The following CTNNA2 variants were observed in gnomAD, a reference collection of about 807,000 sequenced individuals.
CTNNA2 encodes the protein catenin alpha 2, also known as catenin alpha-2.
In CTNNA2, 42 loss-of-function variants were observed where a neutral mutation model predicts 101.0. The ratio of observed to expected loss-of-function variants is 0.42; its 90% confidence interval spans 0.32 to 0.54. The LOEUF (loss-of-function observed/expected upper bound fraction) is 0.54, where lower values mean the gene tolerates loss of function less well. Ranked by LOEUF, CTNNA2 falls within the 20% of genes least tolerant of loss-of-function variation. CTNNA2 has a pLI of 0.14. For missense variants in CTNNA2, 871 were observed against 1,223.1 expected (o/e 0.71, Z 4.29); for synonymous variants, 450 against 456.4 (o/e 0.99, Z 0.18).
intron 2 of CTNNA2, among the ~76,000 whole-genome samples, chr2:79,240,970 C>A (rs886906947): frequency 1.3e-5 from 2 of 152,176 alleles, no homozygotes; most frequent in Non-Finnish European, 1.5e-5. Flanking sequence ...TGAGGCCCTG[C>A]TGATTTTCCT....
At chr2:79,337,291 C>T (rs762914667) in intron 3 of CTNNA2, among the ~76,000 whole-genome samples, 20 of 152,234 alleles carry the variant, frequency 1.3e-4, no homozygotes, top group Non-Finnish European at 2.4e-4. Flanking sequence ...CAAAACACAC[C>T]GTGGGGGTTT....
At chr2:80,043,102 TCTC>T (rs1696246177) in intron 7 of CTNNA2, among the ~76,000 whole-genome samples, 1 of 33,284 alleles carries the variant, frequency 3.0e-5, no homozygotes, top group Non-Finnish European at 6.3e-5. Flanking sequence ...TTTCTCTCTC[TCTC>T]TCTCTCTTTC....
At chr2:80,052,072 A>C (rs78907688) in intron 7 of CTNNA2, among the ~76,000 whole-genome samples, 24 of 152,328 alleles carry the variant, frequency 1.6e-4, no homozygotes, top group African/African-American at 4.8e-4. Flanking sequence ...AGAGAAAGGT[A>C]TTCAATTAGA....
chr2:79,804,916 G>C (rs1676452516), intron 3 of CTNNA2, among the ~76,000 whole-genome samples: 1 of 152,154 alleles, frequency 6.6e-6, no homozygotes, highest in African/African-American at 2.4e-5. Flanking sequence ...ATCTTTTAAG[G>C]GGAAATTGCC....
chr2:79,391,713 G>C (rs1231122775), intron 4 of CTNNA2, among the ~76,000 whole-genome samples: 1 of 152,190 alleles, frequency 6.6e-6, no homozygotes, highest in African/African-American at 2.4e-5. Context: ...ATTGTACAGT[G>C]ATGGAGTTCA....
chr2:79,857,613 G>T (rs1037209051), intron 3 of CTNNA2, among the ~76,000 whole-genome samples: 1 of 152,162 alleles, frequency 6.6e-6, no homozygotes, highest in East Asian at 1.9e-4. Flanking sequence ...ATTCCATGTG[G>T]AACAATTTGT....
intron 3 of CTNNA2, among the ~76,000 whole-genome samples, chr2:79,829,298 C>CATA (rs1427856106): frequency 6.7e-6 from 1 of 149,660 alleles, no homozygotes; most frequent in Non-Finnish European, 1.5e-5. Flanking sequence ...GTGGGCGGAT[C>CATA]ATAAGGTCAG....
In CTNNA2 at chr2:80,204,196, T is replaced by G. The variant is rs188306799; in HGVS notation, c.1057-189015T>G. Among the ~76,000 whole-genome samples, 3 of 152,352 alleles carry G rather than the reference T, an allele frequency of 2.0e-5. 1 individual carries two copies. Among genetic ancestry groups the G allele is most frequent in the Non-Finnish European group, 4.4e-5 (3 of 68,038 alleles). On this transcript the variant is annotated intron_variant, in intron 7 of 18. Coordinates refer to ENST00000402739, the MANE Select transcript of CTNNA2 (RefSeq NM_001282597.3). Reference sequence around the variant, plus strand: ...ACATGCCCTGGAGATATTTTCCCCATTCTCTTAGTGATTAACATTTGGCTC... The same window carrying G: ...ACATGCCCTGGAGATATTTTCCCCAGTCTCTTAGTGATTAACATTTGGCTC...
chr2:79,792,847 T>C (rs986135399), intron 3 of CTNNA2, among the ~76,000 whole-genome samples: 1 of 152,186 alleles, frequency 6.6e-6, no homozygotes, highest in Admixed American at 6.5e-5. Flanking sequence ...TGATCAATGA[T>C]AAAAACGTAT....
chr2:79,651,478 C>A, intron 1 of CTNNA2, 74 bp from the exon 2 acceptor site: 1 of 1,361,116 alleles, frequency 7.3e-7, no homozygotes, highest in Non-Finnish European at 1.0e-6. Context: ...CAGTGATTTA[C>A]CCATTTTGAA....
intron 2 of CTNNA2, among the ~76,000 whole-genome samples, chr2:79,273,067 CT>C (rs927114449): frequency 4.6e-5 from 7 of 151,170 alleles, no homozygotes; most frequent in African/African-American, 7.3e-5. Context: ...ATTTGCTTGT[CT>C]TTTTTTTTAT....
chr2:79,922,364 G>T (rs1452259632), intron 7 of CTNNA2, among the ~76,000 whole-genome samples: 1 of 152,084 alleles, frequency 6.6e-6, no homozygotes. Flanking sequence ...TGTTAGGAGG[G>T]ATCAGTCCTG....
rs75940512 is a variant in CTNNA2, at chr2:79,630,141, G to C, written c.-5-21411G>C. On this transcript the variant is annotated intron_variant, in intron 1 of 18. Transcript: ENST00000402739. ...CCTGCTTTATTCATTCCTTCCTGCC[G>C]TACCACAATATAGACCCTGGGACCT... Among the ~76,000 whole-genome samples the C allele has an allele frequency of 1.3e-3, 197 of 152,188 alleles. 1 individual carries two copies. Among genetic ancestry groups the C allele is most frequent in the Middle Eastern group, 3.4e-3 (1 of 294 alleles).
chr2:79,546,830 T>C (rs1389788465), intron 1 of CTNNA2, among the ~76,000 whole-genome samples: 1 of 152,202 alleles, frequency 6.6e-6, no homozygotes, highest in African/African-American at 2.4e-5. Context: ...CAGTTCTCCC[T>C]ACAATAGCAT....
At chr2:80,355,206 G>T (rs918085245) in intron 7 of CTNNA2, among the ~76,000 whole-genome samples, 4 of 152,056 alleles carry the variant, frequency 2.6e-5, no homozygotes, top group Admixed American at 6.6e-5. Flanking sequence ...TGTCCAGCCT[G>T]GCAATATTCT....
chr2:79,232,108 G>A (rs1572990959), intron 2 of CTNNA2, among the ~76,000 whole-genome samples: 1 of 152,116 alleles, frequency 6.6e-6, no homozygotes, highest in East Asian at 1.9e-4. Context: ...AATAGGAGTA[G>A]TAAGAGTAGA....
At chr2:79,424,212 C>A (rs1444118222) in intron 4 of CTNNA2, among the ~76,000 whole-genome samples, 2 of 152,172 alleles carry the variant, frequency 1.3e-5, no homozygotes, top group East Asian at 3.9e-4. Context: ...TTTGCCGTAA[C>A]CTCATGCCTA....
rs1685509175 is a variant in CTNNA2 at position 79,907,550 on chromosome 2, AC to A, written c.853-2041del. Reference sequence around the variant, plus strand: ...TTGGGACTTTCACCTGTAATAATGAACCCTATAGGGCCATCCACTGTATTGC... The same window carrying A: ...TTGGGACTTTCACCTGTAATAATGAACCTATAGGGCCATCCACTGTATTGC... On this transcript the variant is annotated intron_variant, in intron 6 of 18. Coordinates refer to ENST00000402739, the MANE Select transcript of CTNNA2 (RefSeq NM_001282597.3). Among the ~76,000 whole-genome samples the A allele has an allele frequency of 3.3e-5, 5 of 152,210 alleles. No individual in the cohort carries two copies. In the South Asian group the frequency reaches 1.0e-3, roughly 32 times the overall value.
At chr2:80,549,325 T>G (rs986166371) in intron 11 of CTNNA2, among the ~76,000 whole-genome samples, 1 of 152,168 alleles carries the variant, frequency 6.6e-6, no homozygotes, top group Admixed American at 6.5e-5. Context: ...GTTTTGCTTT[T>G]TAACTTTTCC....
Sources: allele counts gnomAD v4.1 joint callset (sites outside exome capture counted in the v4.1 genomes callset), GRCh38; gene constraint gnomAD v4.1.1; transcripts MANE v1.5; gene names NCBI Gene and HGNC (gene_info 2026-07-23, HGNC 2026-07-21).